FGGY: variants seen among roughly 807,000 people sequenced by gnomAD.
FGGY encodes the protein FGGY carbohydrate kinase domain-containing protein.
Under a neutral mutation model 71.3 loss-of-function variants are expected in FGGY, and 72 were observed. That is an observed-to-expected ratio of 1.01 (90% CI 0.84 to 1.23). The LOEUF (loss-of-function observed/expected upper bound fraction) is 1.23, where lower values mean the gene tolerates loss of function less well. Among genes scored for constraint, FGGY ranks in the 50% most tolerant of loss-of-function variants. The pLI is 0.00. For missense variants in FGGY, 668 were observed against 682.3 expected (o/e 0.98, Z 0.23); for synonymous variants, 251 against 250.3 (o/e 1.00, Z -0.02).
intron 14 of FGGY, among the ~76,000 whole-genome samples, chr1:59,729,983 C>T (rs1004670507): frequency 2.6e-5 from 4 of 152,268 alleles, no homozygotes; most frequent in African/African-American, 4.8e-5. Context: ...CTTTCCCTCC[C>T]CCTGCCAGAG....
rs550295779 is a variant in FGGY, at chr1:59,340,638, T to C, written c.313+569T>C. On this transcript the variant is annotated intron_variant, in intron 3 of 15. Transcript: ENST00000303721. ...ATGAGCTGTTTGAAATGTAAAGTGC[T>C]ACTTGGGTCCACCATCAGAGATTTT... is the stretch of plus-strand genomic sequence containing the variant. 3.3e-5 allele frequency among the ~76,000 whole-genome samples: 5 copies of C among 152,334 alleles called. No individual in the cohort carries two copies. The South Asian group carries it at 1.0e-3, about 32-fold the overall frequency.
rs909763915 is a variant in FGGY at position 59,648,989 on chromosome 1, C to A, written c.1221+10614C>A. 5.0e-3 allele frequency among the ~76,000 whole-genome samples: 763 copies of A among 151,542 alleles called. 6 individuals are homozygous for A. The highest frequency in any genetic ancestry group is 6.1e-3 in the Non-Finnish European group (417 of 67,950). On this transcript the variant is annotated intron_variant, in intron 11 of 15. Coordinates refer to ENST00000303721, the MANE Select transcript of FGGY (RefSeq NM_018291.5). The stretch of plus-strand genomic sequence containing the variant: ...ATATGGCTAGCCAGTTTTCCCAGCA[C>A]CATTTATTAAATAGGGAATCCTTTC...
At chr1:59,586,859 T>G (rs35267015) in intron 8 of FGGY, among the ~76,000 whole-genome samples, 120 of 152,078 alleles carry the variant, frequency 7.9e-4, no homozygotes, top group African/African-American at 2.9e-3. Context: ...GCTCCCAGCG[T>G]GAGTGACGCA....
At chr1:59,472,170 G>A (rs1002009987) in intron 6 of FGGY, among the ~76,000 whole-genome samples, 3 of 152,240 alleles carry the variant, frequency 2.0e-5, no homozygotes, top group Non-Finnish European at 2.9e-5. Flanking sequence ...CAGTGCTTGC[G>A]GGCCAGCGTG....
chr1:59,542,573 C>T (rs111819744), intron 7 of FGGY, among the ~76,000 whole-genome samples: 4,714 of 143,656 alleles, frequency 0.033, 243 homozygotes, highest in African/African-American at 0.11. Flanking sequence ...ATTTCTGTCT[C>T]AGCGTCCCGA....
At chr1:59,587,252 G>A (rs186365325) in intron 8 of FGGY, among the ~76,000 whole-genome samples, 18,311 of 151,478 alleles carry the variant, frequency 0.12, 1,280 homozygotes, top group South Asian at 0.3. Context: ...AGGGGCGCCC[G>A]CCATTGCCCA....
intron 8 of FGGY, among the ~76,000 whole-genome samples, chr1:59,595,314 C>T (rs2096507235): frequency 6.6e-6 from 1 of 151,662 alleles, no homozygotes; most frequent in South Asian, 2.1e-4. Context: ...TTTGTAATGC[C>T]TTTTTTTAAA....
At chr1:59,589,510 A>G (rs1452236664) in intron 8 of FGGY, among the ~76,000 whole-genome samples, 1 of 152,194 alleles carries the variant, frequency 6.6e-6, no homozygotes, top group Non-Finnish European at 1.5e-5. Context: ...CACCACACCT[A>G]TTCCAAAATT....
intron 14 of FGGY, among the ~76,000 whole-genome samples, chr1:59,678,358 T>C (rs2097457126): frequency 6.6e-6 from 1 of 152,180 alleles, no homozygotes; most frequent in African/African-American, 2.4e-5. Flanking sequence ...TAATTCTGAA[T>C]ATCTTGGAAA....
At position 59,720,626 on chromosome 1, in the gene FGGY, G is replaced by A. The variant is rs544464860; in HGVS notation, c.1513-37305G>A. Among the ~76,000 whole-genome samples, 4 of 152,312 alleles carry A rather than the reference G, an allele frequency of 2.6e-5. No homozygotes were observed. The Middle Eastern group carries it at 0.014, about 518-fold the overall frequency. On this transcript the variant is annotated intron_variant, in intron 14 of 15. Coordinates refer to ENST00000303721, the MANE Select transcript of FGGY (RefSeq NM_018291.5). ...TTTTGTTTCGGAAAGGAGATGACAT[G>A]CCTTAGGCATCTTCCAGGAGACTAG...
intron 4 of FGGY, among the ~76,000 whole-genome samples, chr1:59,363,610 T>C (rs973087468): frequency 1.3e-5 from 2 of 152,172 alleles, no homozygotes; most frequent in African/African-American, 4.8e-5. Context: ...CAGCAGAATG[T>C]AGTGAGGCCC....
At chr1:59,737,872 TG>T (rs1170210454) in intron 14 of FGGY, among the ~76,000 whole-genome samples, 2 of 152,202 alleles carry the variant, frequency 1.3e-5, no homozygotes, top group African/African-American at 4.8e-5. Context: ...TGATATGGTT[TG>T]ACTGTGTTCC....
chr1:59,316,714 T>A (rs111437810), intron 1 of FGGY, among the ~76,000 whole-genome samples: 1 of 152,178 alleles, frequency 6.6e-6, no homozygotes, highest in East Asian at 1.9e-4. Flanking sequence ...GTCAGTCCAG[T>A]CCATGCTGAG....
intron 14 of FGGY, among the ~76,000 whole-genome samples, chr1:59,681,984 G>A (rs551767822): frequency 6.6e-6 from 1 of 152,288 alleles, no homozygotes; most frequent in South Asian, 2.1e-4. Context: ...TTGATCCTCT[G>A]CAGTGAACCA....
chr1:59,599,959 G>A (rs796782179), intron 8 of FGGY, among the ~76,000 whole-genome samples: 42 of 152,234 alleles, frequency 2.8e-4, no homozygotes, highest in African/African-American at 9.4e-4. Context: ...CCCATATGTC[G>A]TGGCAAGCTG....
intron 10 of FGGY, chr1:59,626,384 T>C (rs1254555737): frequency 4.9e-6 from 1 of 205,576 alleles, no homozygotes; most frequent in Non-Finnish European, 9.6e-6. Flanking sequence ...TTGAGCTAGT[T>C]ACTTAACCTC....
rs183765410 is a variant in FGGY at position 59,454,667 on chromosome 1, G to T, written c.555-2294G>T. ...CCTGTCTCCCACCAGATTATGTCAG[G>T]TTCTTCTGCTAAAGGCTTTCATTTC... On this transcript the variant is annotated intron_variant, in intron 5 of 15. Coordinates refer to ENST00000303721, the MANE Select transcript of FGGY (RefSeq NM_018291.5). Among the ~76,000 whole-genome samples, 417 of 152,248 alleles carry T rather than the reference G, an allele frequency of 2.7e-3. 3 individuals carry two copies. Among genetic ancestry groups the T allele is most frequent in the African/African-American group, 9.3e-3 (385 of 41,528 alleles).
chr1:59,382,982 A>G (rs7550763), intron 5 of FGGY, among the ~76,000 whole-genome samples: 50,298 of 151,978 alleles, frequency 0.33, 8,576 homozygotes, highest in East Asian at 0.42. Context: ...GGTGGCATGC[A>G]TACACACGGT....
chr1:59,703,922 A>G (rs1480465240), intron 14 of FGGY, among the ~76,000 whole-genome samples: 1 of 152,154 alleles, frequency 6.6e-6, no homozygotes, highest in Non-Finnish European at 1.5e-5. Flanking sequence ...GGTTTAAATC[A>G]AGTCTTCTGC....
Sources: gnomAD v4.1 joint callset for allele counts (sites outside exome capture counted in the v4.1 genomes callset) on GRCh38, gnomAD v4.1.1 for gene constraint, MANE v1.5 for transcripts, NCBI Gene and HGNC (gene_info 2026-07-23, HGNC 2026-07-21) for gene names.